The following MBD1 variants were observed in gnomAD, a reference collection of about 807,000 sequenced individuals.
MBD1 encodes methyl-CpG binding domain protein 1.
A neutral mutation model predicts 82.6 loss-of-function variants in MBD1; 25 were observed. That is an observed-to-expected ratio of 0.30 (90% CI 0.22 to 0.42). MBD1 has a LOEUF of 0.42. MBD1 is among the 10% of genes least tolerant of loss of function. MBD1 has a pLI of 1.00. For synonymous variants in MBD1, 301 were observed against 303.7 expected (o/e 0.99, Z 0.09); for missense variants, 627 against 819.6 (o/e 0.76, Z 2.87).
Position 50,272,949 on chromosome 18 carries a change from C to CAG in MBD1, c.1590_1591insCT (p.Asp531LeufsTer8), listed in dbSNP as rs768269823. On this transcript the variant is annotated frameshift_variant, in exon 14 of 17. Transcript: ENST00000269468. LOFTEE classifies it high-confidence loss of function. ...TGCTTCACAGAAGGCAGGCCTGGGT[C>CAG]TACTGCCTGGGAGAAGTAGGAAACA... 6.2e-7 allele frequency: 1 copy of CAG among 1,614,144 alleles called. No homozygotes were observed. Among genetic ancestry groups the CAG allele is most frequent in the South Asian group, 1.1e-5 (1 of 91,062 alleles).
intron 8 of MBD1, 91 bp from the exon 9 acceptor site, chr18:50,275,336 G>A: frequency 1.2e-6 from 2 of 1,612,180 alleles, no homozygotes; most frequent in Non-Finnish European, 1.7e-6. Flanking sequence ...GCATGCATGG[G>A]ACAGGCAGAC....
rs750924064 is a variant in MBD1, at chr18:50,274,366, G to A, written c.979-13C>T. The A allele has an allele frequency of 2.4e-4, 381 of 1,609,714 alleles. No individual in the cohort carries two copies. Among genetic ancestry groups the A allele is most frequent in the Non-Finnish European group, 1.3e-4 (155 of 1,178,936 alleles). On this transcript the variant is annotated splice_polypyrimidine_tract_variant and intron_variant, in intron 10 of 16. Coordinates refer to ENST00000269468, the MANE Select transcript of MBD1 (RefSeq NM_015846.4). ...TCGTGTAGGGCTGCTGGGGTGGGGG[G>A]AATGGGTGGTGCTGTCAACTAGGAC...
intron 10 of MBD1, 99 bp downstream of exon 10, chr18:50,274,878 T>C: frequency 8.0e-7 from 1 of 1,253,112 alleles, no homozygotes; most frequent in East Asian, 2.4e-5. Flanking sequence ...TTATTGTGCC[T>C]TGCTGTTCCC....
chr18:50,281,413 T>A lies in MBD1; in HGVS notation c.-76A>T. ...CCGCCACTCTAGGCCCGTGGACCCATGGCGAGGGTCCCTCCTGCACCTCCC... is the reference window on the plus strand; with the variant it reads ...CCGCCACTCTAGGCCCGTGGACCCAAGGCGAGGGTCCCTCCTGCACCTCCC... On this transcript the variant is annotated 5_prime_UTR_variant, in exon 1 of 17. The change abolishes an upstream ATG in the 5' untranslated region. Coordinates refer to ENST00000269468, the MANE Select transcript of MBD1 (RefSeq NM_015846.4). 1 of 631,876 alleles carries A rather than the reference T, an allele frequency of 1.6e-6. No individual in the cohort carries two copies. Among genetic ancestry groups the A allele is most frequent in the Admixed American group, 2.6e-5 (1 of 39,120 alleles). 39.1% of individuals were successfully genotyped at this position (631,876 alleles called of 1,614,324 possible).
At chr18:50,271,399 G>C in intron 16 of MBD1, 70 bp downstream of exon 16, 1 of 1,611,760 alleles carries the variant, frequency 6.2e-7, no homozygotes, top group African/African-American at 1.3e-5. Flanking sequence ...ACAAGCCCTG[G>C]CAACCAATCT....
intron 16 of MBD1, 167 bp downstream of exon 16, chr18:50,271,302 C>A: frequency 6.7e-7 from 1 of 1,502,876 alleles, no homozygotes; most frequent in Non-Finnish European, 8.8e-7. Flanking sequence ...CTTCCTTTCC[C>A]GCTTACTTCT....
chr18:50,276,897 C>T lies in MBD1; in HGVS notation c.327G>A (p.Lys109=). The T allele has an allele frequency of 6.2e-7, 1 of 1,614,254 alleles. No individual in the cohort carries two copies. The highest frequency in any genetic ancestry group is 1.3e-5 in the African/African-American group (1 of 75,072). The change falls in exon 4 of 17, where the codon AAG becomes AAA. Residue 109 remains lysine (K), a synonymous_variant. Coordinates refer to ENST00000269468, the MANE Select transcript of MBD1 (RefSeq NM_015846.4). ...CCTTGGTCTCATCCCTCGGGGCCTCCTTCCTGACCTCACCACTCTGGGGTC... is the reference window on the plus strand; with the variant it reads ...CCTTGGTCTCATCCCTCGGGGCCTCTTTCCTGACCTCACCACTCTGGGGTC... ...QVGPQSGEVR[K]EAPRDETKAD... is the part of the protein sequence containing the mutation.
Position 50,275,899 on chromosome 18 carries a change from T to G in MBD1, c.599A>C (p.His200Pro). The G allele has an allele frequency of 6.2e-7, 1 of 1,614,146 alleles. No individual in the cohort carries two copies. Among genetic ancestry groups the G allele is most frequent in the Non-Finnish European group, 8.5e-7 (1 of 1,180,022 alleles). ...GCAGAACAGCCCCGATGCCACATCA[T>G]GGGGCAGCTGCAGGAGGCAGGTGGA... ...ACSTCLLQLPHDVASGLFCKC... is the reference protein window; with the variant it reads ...ACSTCLLQLPPDVASGLFCKC... The change falls in exon 7 of 17, where the codon CAT (histidine) becomes CCT (proline). Residue 200 changes from histidine (H) to proline (P), a missense_variant. Transcript: ENST00000269468.
chr18:50,280,847 GA>G (rs1384354872), intron 1 of MBD1, among the ~76,000 whole-genome samples: 1 of 151,910 alleles, frequency 6.6e-6, no homozygotes, highest in East Asian at 1.9e-4. Flanking sequence ...CATCCAGAGA[GA>G]CCCTAATTTC....
In MBD1 at chr18:50,276,681, C is replaced by T. The variant is rs190071517; in HGVS notation, c.456G>A (p.Thr152=). 6.2e-6 allele frequency: 10 copies of T among 1,614,214 alleles called. No homozygotes were observed. The East Asian group carries it at 1.3e-4, about 22-fold the overall frequency. ...GDGTQRQRLK[T]LCKDCRAQRI... ...ACTCACCTCGACAGTCTTTGCACAA[C>T]GTTTTGAGCCGCTGCCTTTGGGTGC... Residue 152 remains threonine (T), a synonymous_variant, in exon 5 of 17, where the codon ACG becomes ACA. Coordinates refer to ENST00000269468, the MANE Select transcript of MBD1 (RefSeq NM_015846.4).
At chr18:50,280,169 C>T (rs184730454) in intron 1 of MBD1, among the ~76,000 whole-genome samples, 152 bp from the exon 2 acceptor site, 1 of 152,214 alleles carries the variant, frequency 6.6e-6, no homozygotes, top group Admixed American at 6.5e-5. Flanking sequence ...AAAGAAACCC[C>T]TCATATTCTC....
rs760392637 is a variant in MBD1, at chr18:50,273,582, G to C, written c.1428C>G (p.Ser476=). The change falls in exon 12 of 17, where the codon TCC becomes TCG. Residue 476 remains serine (S), a synonymous_variant. Coordinates refer to ENST00000269468, the MANE Select transcript of MBD1 (RefSeq NM_015846.4). ...CCCTCACCTGCAACAGGGCTTCTGT[G>C]GAAGCTGCAACAGGGCCCGGCACCT... ...PVQVPGPVAA[S]TEALLQEAQC... 6.2e-7 allele frequency: 1 copy of C among 1,612,910 alleles called. No homozygotes were observed. Among genetic ancestry groups the C allele is most frequent in the Non-Finnish European group, 8.5e-7 (1 of 1,180,008 alleles).
chr18:50,274,675 T>C (rs1284668735), intron 10 of MBD1, among the ~76,000 whole-genome samples: 2 of 152,072 alleles, frequency 1.3e-5, no homozygotes, highest in Non-Finnish European at 2.9e-5. Context: ...TTTTGATAAC[T>C]CTCTATTAGC....
intron 13 of MBD1, 159 bp from the exon 14 acceptor site, chr18:50,273,114 C>T: frequency 8.3e-7 from 1 of 1,201,846 alleles, no homozygotes; most frequent in South Asian, 1.3e-5. Context: ...CATTCCCATT[C>T]CTCACTGACC....
rs750198407 is a variant in MBD1, at chr18:50,276,642, A to G, written c.475+20T>C. 11 of 1,613,472 alleles carry G rather than the reference A, an allele frequency of 6.8e-6. No homozygotes were observed. Among genetic ancestry groups the G allele is most frequent in the Non-Finnish European group, 9.3e-6 (11 of 1,179,674 alleles). On this transcript the variant is annotated intron_variant, in intron 5 of 16. Coordinates refer to ENST00000269468, the MANE Select transcript of MBD1 (RefSeq NM_015846.4). ...TCCAGCTCCTATCTCCCGATGCCCCATCCTCTGGAGGCCACTCACCTCGAC... is the reference window on the plus strand; with the variant it reads ...TCCAGCTCCTATCTCCCGATGCCCCGTCCTCTGGAGGCCACTCACCTCGAC...
intron 12 of MBD1, 41 bp downstream of exon 12, chr18:50,273,523 C>T (rs2036513057): frequency 6.2e-7 from 1 of 1,613,494 alleles, no homozygotes; most frequent in Non-Finnish European, 8.5e-7. Flanking sequence ...TGGCATGCAG[C>T]TGGGTGAGGC....
At chr18:50,277,259 C>G (rs2038296067) in intron 2 of MBD1, 55 bp from the exon 3 acceptor site, 1 of 1,397,392 alleles carries the variant, frequency 7.2e-7, no homozygotes, top group Non-Finnish European at 1.0e-6. Context: ...CCATTTCACT[C>G]ATACAACCTT....
downstream of MBD1, chr18:50,267,286 T>G (rs146062024): frequency 2.8e-6 from 1 of 352,078 alleles, no homozygotes; most frequent in Non-Finnish European, 5.3e-6. Flanking sequence ...CTATCCTTAT[T>G]TTCCAGCTAA....
Position 50,276,929 on chromosome 18 carries a change from G to C in MBD1, c.295C>G (p.Gln99Glu). 6.2e-7 allele frequency: 1 copy of C among 1,614,244 alleles called. No homozygotes were observed. Among genetic ancestry groups the C allele is most frequent in the Non-Finnish European group, 8.5e-7 (1 of 1,180,058 alleles). Reference protein sequence around the residue: ...PSRPAKTRKRQVGPQSGEVRK... With the variant: ...PSRPAKTRKREVGPQSGEVRK... ...ACCTCACCACTCTGGGGTCCAACCT[G>C]ACGTTTCCGAGTCTTGGCTGGCCTT... The change falls in exon 4 of 17, where the codon CAG becomes GAG. Residue 99 changes from glutamine to glutamate, a missense_variant. Gln to Glu is a conservative substitution (Grantham distance 29). Transcript: ENST00000269468.
Sources: gnomAD v4.1 joint callset for allele counts (sites outside exome capture counted in the v4.1 genomes callset) on GRCh38, gnomAD v4.1.1 for gene constraint, MANE v1.5 for transcripts, NCBI Gene and HGNC (gene_info 2026-07-23, HGNC 2026-07-21) for gene names.